The following SPMIP8 variants were observed in gnomAD, a reference collection of about 807,000 sequenced individuals.
SPMIP8 encodes the protein sperm microtubule inner protein 8.
the SPMIP8 span, chr16:57,977,967 C>T: frequency 6.2e-7 from 1 of 1,614,216 alleles, no homozygotes; most frequent in Non-Finnish European, 8.5e-7. Context: ...CACCCTGCGC[C>T]ACATGGACAG....
At chr16:57,977,097 C>T in the SPMIP8 span, among the ~76,000 whole-genome samples, 1 of 152,124 alleles carries the variant, frequency 6.6e-6, no homozygotes, top group Non-Finnish European at 1.5e-5. Flanking sequence ...CTTGCTGCTG[C>T]ACTTTCCTGC....
the SPMIP8 span, chr16:57,987,213 G>T: frequency 2.0e-6 from 1 of 499,374 alleles, no homozygotes; most frequent in South Asian, 4.9e-5. Flanking sequence ...AGTCAAAGGA[G>T]GGAGGTTAGC....
chr16:57,979,295 A>G, the SPMIP8 span, among the ~76,000 whole-genome samples: 6 of 152,180 alleles, frequency 3.9e-5, no homozygotes, highest in Non-Finnish European at 8.8e-5. Flanking sequence ...GGAGATTACC[A>G]GAGTTGCCAC....
chr16:57,976,746 A>G, the SPMIP8 span: 6 of 1,272,132 alleles, frequency 4.7e-6, no homozygotes, highest in African/African-American at 7.4e-5. Context: ...CCTTGTCACC[A>G]TGCCCCCTCC....
At chr16:57,977,407 CAA>C in the SPMIP8 span, among the ~76,000 whole-genome samples, 3,459 of 99,784 alleles carry the variant, frequency 0.035, 133 homozygotes, top group African/African-American at 0.12. Context: ...GAGACTGTCT[CAA>C]AAAAAAAAAA....
the SPMIP8 span, chr16:57,984,340 C>G: frequency 6.2e-7 from 1 of 1,614,236 alleles, no homozygotes; most frequent in Non-Finnish European, 8.5e-7. Context: ...TCCTTGGGGT[C>G]CCCAACAAAC....
chr16:57,984,159 C>T, the SPMIP8 span: 8,851 of 751,072 alleles, frequency 0.012, 274 homozygotes, highest in Admixed American at 0.081. Context: ...CCGCCTCGGC[C>T]TCCTGAAGTG....
chr16:57,985,967 C>T, the SPMIP8 span: 1 of 1,594,562 alleles, frequency 6.3e-7, no homozygotes, highest in Non-Finnish European at 8.5e-7. Flanking sequence ...TGTCCCGCCC[C>T]ACAGCCAACC....
At chr16:57,981,389 AATAATTATTATTATT>A in the SPMIP8 span, among the ~76,000 whole-genome samples, 4 of 132,912 alleles carry the variant, frequency 3.0e-5, no homozygotes, top group Admixed American at 2.4e-4. Context: ...CAATAATAAT[AATAATTATTATTATT>A]ATAATAATAA....
the SPMIP8 span, chr16:57,985,883 T>G: frequency 6.2e-7 from 1 of 1,600,810 alleles, no homozygotes; most frequent in Non-Finnish European, 8.5e-7. Context: ...TCCCATCTCG[T>G]GCTCACCCGC....
the SPMIP8 span, among the ~76,000 whole-genome samples, chr16:57,979,631 C>T: frequency 6.6e-6 from 1 of 152,180 alleles, no homozygotes. Context: ...ACAAGGCTCA[C>T]TCCCACTGCC....
chr16:57,977,810 C>A, the SPMIP8 span: 1 of 1,609,966 alleles, frequency 6.2e-7, no homozygotes, highest in Non-Finnish European at 8.5e-7. Flanking sequence ...CCCTCTGCCC[C>A]CCAGCTATGG....
At chr16:57,985,601 C>A in the SPMIP8 span, 4 of 1,528,160 alleles carry the variant, frequency 2.6e-6, no homozygotes, top group African/African-American at 5.6e-5. Flanking sequence ...AGGATGAGGT[C>A]TGGGCCGCTT....
the SPMIP8 span, chr16:57,977,690 C>T: frequency 1.9e-6 from 2 of 1,068,136 alleles, no homozygotes; most frequent in Non-Finnish European, 1.4e-6. Flanking sequence ...GCCTGGCACA[C>T]AGTAGGTGCT....
At chr16:57,984,825 C>G in the SPMIP8 span, 1 of 1,581,756 alleles carries the variant, frequency 6.3e-7, no homozygotes, top group Non-Finnish European at 8.6e-7. Context: ...GTCTACGGGC[C>G]GCTGAAGGAA....
At chr16:57,977,852 T>C in the SPMIP8 span, 1 of 1,614,102 alleles carries the variant, frequency 6.2e-7, no homozygotes. Flanking sequence ...CCTGGGACGA[T>C]GGCTCCACAC....
the SPMIP8 span, chr16:57,985,311 G>A: frequency 1.3e-6 from 2 of 1,555,872 alleles, no homozygotes; most frequent in South Asian, 1.2e-5. Context: ...CGGGGAGCGG[G>A]GGTCCTGGTG....
the SPMIP8 span, among the ~76,000 whole-genome samples, chr16:57,983,558 G>A: frequency 6.6e-6 from 1 of 151,918 alleles, no homozygotes; most frequent in East Asian, 1.9e-4. Context: ...GTTTTATTCT[G>A]TTGCAAAGGT....
the SPMIP8 span, among the ~76,000 whole-genome samples, chr16:57,979,707 A>C: frequency 6.6e-6 from 1 of 151,898 alleles, no homozygotes; most frequent in South Asian, 2.1e-4. Context: ...TGGTTTACTA[A>C]TGGGAATATA....
Sources: allele counts gnomAD v4.1 joint callset (sites outside exome capture counted in the v4.1 genomes callset), GRCh38; gene constraint gnomAD v4.1.1; transcripts MANE v1.5; gene names NCBI Gene and HGNC (gene_info 2026-07-23, HGNC 2026-07-21).